The following NLGN1 variants were observed in gnomAD, a reference collection of about 807,000 sequenced individuals.
NLGN1 encodes the protein neuroligin-1.
A neutral mutation model predicts 65.5 loss-of-function variants in NLGN1; 12 were observed. That is an observed-to-expected ratio of 0.18 (90% CI 0.12 to 0.30). The LOEUF (loss-of-function observed/expected upper bound fraction) is 0.30. Ranked by LOEUF, NLGN1 falls within the 10% of genes least tolerant of loss-of-function variation. The probability of loss-of-function intolerance (pLI) is 1.00; values close to 1 mark genes in which losing one functional copy is unlikely to be tolerated. For missense variants in NLGN1, 750 were observed against 1,007.1 expected (o/e 0.74, Z 3.46); for synonymous variants, 350 against 359.5 (o/e 0.97, Z 0.30).
chr3:173,910,600 G>A (rs1739393921), intron 4 of NLGN1: 1 of 152,070 alleles, frequency 6.6e-6, no homozygotes, highest in African/African-American at 2.4e-5. Context: ...TCTATACAAG[G>A]TATGCAGATT....
chr3:174,039,443 G>A (rs1289350875), intron 4 of NLGN1, among the ~76,000 whole-genome samples: 2 of 151,864 alleles, frequency 1.3e-5, no homozygotes, highest in Non-Finnish European at 1.5e-5. Flanking sequence ...CCTCCGACAG[G>A]CCCCAGTGTG....
intron 2 of NLGN1, among the ~76,000 whole-genome samples, chr3:173,559,724 TAAAGA>T (rs1742339709): frequency 6.6e-6 from 1 of 152,168 alleles, no homozygotes; most frequent in Non-Finnish European, 1.5e-5. Flanking sequence ...ATTAGAGATG[TAAAGA>T]AAAGTGTTAT....
At chr3:174,040,024 T>A (rs1323097895) in intron 4 of NLGN1, among the ~76,000 whole-genome samples, 1 of 152,286 alleles carries the variant, frequency 6.6e-6, no homozygotes, top group Non-Finnish European at 1.5e-5. Flanking sequence ...AGGCCAATAT[T>A]CAAAATTCTC....
At chr3:173,721,421 C>A (rs148359104) in intron 3 of NLGN1, among the ~76,000 whole-genome samples, 1 of 152,156 alleles carries the variant, frequency 6.6e-6, no homozygotes, top group Non-Finnish European at 1.5e-5. Context: ...AACAAGTAAA[C>A]GCTATAGATT....
At chr3:173,437,185 T>C (rs1185013475) in intron 2 of NLGN1, among the ~76,000 whole-genome samples, 1 of 152,226 alleles carries the variant, frequency 6.6e-6, no homozygotes, top group Non-Finnish European at 1.5e-5. Context: ...GTACCTATAC[T>C]TGGAATAATT....
intron 4 of NLGN1, among the ~76,000 whole-genome samples, chr3:174,137,181 A>C (rs2152682887): frequency 6.6e-6 from 1 of 152,252 alleles, no homozygotes; most frequent in Middle Eastern, 3.4e-3. Context: ...AAAAATCATA[A>C]GTGGAACCAT....
intron 4 of NLGN1, among the ~76,000 whole-genome samples, chr3:173,915,175 C>A (rs1740481723): frequency 6.6e-6 from 1 of 152,184 alleles, no homozygotes; most frequent in Non-Finnish European, 1.5e-5. Context: ...GTACTTCTAA[C>A]CTCAGCCTGC....
intron 4 of NLGN1, among the ~76,000 whole-genome samples, chr3:173,962,696 G>C (rs1713881508): frequency 6.6e-6 from 1 of 152,032 alleles, no homozygotes; most frequent in Non-Finnish European, 1.5e-5. Flanking sequence ...TTAATATAAA[G>C]GCATGTTATT....
chr3:173,527,032 T>C (rs998954746), intron 2 of NLGN1, among the ~76,000 whole-genome samples: 2 of 152,244 alleles, frequency 1.3e-5, no homozygotes, highest in Non-Finnish European at 2.9e-5. Context: ...ATCTTGGCTA[T>C]TGTGAATAGT....
intron 4 of NLGN1, among the ~76,000 whole-genome samples, chr3:174,039,409 G>T (rs1213419613): frequency 6.6e-6 from 1 of 151,858 alleles, no homozygotes; most frequent in Non-Finnish European, 1.5e-5. Context: ...TTGTCCTAAT[G>T]CTCTCTCTCC....
Position 174,158,463 on chromosome 3 carries a change from A to C in NLGN1, c.647-116852A>C, listed in dbSNP as rs943048595. Among the ~76,000 whole-genome samples the C allele has an allele frequency of 2.0e-5, 3 of 151,770 alleles. No homozygotes were observed. In the Admixed American group the frequency reaches 2.0e-4, roughly 10 times the overall value. On this transcript the variant is annotated intron_variant, in intron 4 of 6. Transcript: ENST00000457714. ...ATAAACATTAGAGACAATATAAAAT[A>C]GAATATCATTGAAATTCCCTGGAAA...
upstream of NLGN1, chr3:173,397,639 C>T (rs958138841): frequency 1.5e-4 from 23 of 153,216 alleles, no homozygotes; most frequent in Admixed American, 1.5e-3. Flanking sequence ...TCCCCCCACC[C>T]GCGGCTCCCC....
At chr3:173,823,919 TA>T (rs5854540) in intron 4 of NLGN1, among the ~76,000 whole-genome samples, 96,467 of 148,414 alleles carry the variant, frequency 0.65, 32,017 homozygotes, top group Non-Finnish European at 0.73. Flanking sequence ...CTTGTTAATT[TA>T]AAAAAAAAAA....
intron 2 of NLGN1, among the ~76,000 whole-genome samples, chr3:173,510,845 G>A (rs1732829526): frequency 6.6e-6 from 1 of 152,098 alleles, no homozygotes; most frequent in Admixed American, 6.6e-5. Flanking sequence ...AAATGAATGT[G>A]GAAAGAATCC....
intron 4 of NLGN1, among the ~76,000 whole-genome samples, chr3:174,237,911 C>T (rs141680740): frequency 8.3e-4 from 126 of 152,268 alleles, no homozygotes; most frequent in African/African-American, 3.0e-3. Context: ...CTCTGTAGCA[C>T]CTTTTCTATT....
intron 4 of NLGN1, among the ~76,000 whole-genome samples, chr3:174,048,928 C>G (rs1734211921): frequency 6.6e-6 from 1 of 151,716 alleles, no homozygotes; most frequent in Non-Finnish European, 1.5e-5. Flanking sequence ...GAACAAAGTG[C>G]TGTAAATAAA....
At chr3:173,561,309 G>C (rs560334949) in intron 2 of NLGN1, among the ~76,000 whole-genome samples, 1 of 152,096 alleles carries the variant, frequency 6.6e-6, no homozygotes, top group Admixed American at 6.5e-5. Flanking sequence ...CTTGTCTCTG[G>C]TACAACACGC....
At chr3:173,632,787 G>T (rs1755891529) in intron 3 of NLGN1, among the ~76,000 whole-genome samples, 1 of 150,270 alleles carries the variant, frequency 6.7e-6, no homozygotes, top group South Asian at 2.1e-4. Context: ...TAATATTGTG[G>T]ATTCATTGTA....
At chr3:173,872,116 G>C (rs1481172564) in intron 4 of NLGN1, among the ~76,000 whole-genome samples, 1 of 152,150 alleles carries the variant, frequency 6.6e-6, no homozygotes, top group Non-Finnish European at 1.5e-5. Flanking sequence ...ATGGGCAAGA[G>C]TGTAGGAAGT....
Sources: allele counts gnomAD v4.1 joint callset (sites outside exome capture counted in the v4.1 genomes callset), GRCh38; gene constraint gnomAD v4.1.1; transcripts MANE v1.5; gene names NCBI Gene and HGNC (gene_info 2026-07-23, HGNC 2026-07-21).